KCND2: variants seen among roughly 807,000 people sequenced by gnomAD.
KCND2 encodes the protein A-type voltage-gated potassium channel KCND2.
In KCND2, 16 loss-of-function variants were observed where a neutral mutation model predicts 54.4. That is an observed-to-expected ratio of 0.29 (90% CI 0.20 to 0.45). The LOEUF (loss-of-function observed/expected upper bound fraction) is 0.45, where lower values mean the gene tolerates loss of function less well. KCND2 is among the 20% of genes least tolerant of loss of function. KCND2 has a pLI of 1.00. For missense variants in KCND2, 486 were observed against 824.2 expected (o/e 0.59, Z 5.02); for synonymous variants, 317 against 310.7 (o/e 1.02, Z -0.21).
rs142034045 is a variant in KCND2 at position 120,347,055 on chromosome 7, C to G, written c.1115+71308C>G. Among the ~76,000 whole-genome samples, 690 of 149,824 alleles carry G rather than the reference C, an allele frequency of 4.6e-3. 3 individuals carry two copies. Among genetic ancestry groups the G allele is most frequent in the Middle Eastern group, 0.038 (11 of 290 alleles). On this transcript the variant is annotated intron_variant, in intron 1 of 5. Transcript: ENST00000331113. Reference sequence around the variant, plus strand: ...GTCTCATGGCTCTTTTTTTTTTGTTCGAAGCTGTAATATGAGCAACATTTA... The same window carrying G: ...GTCTCATGGCTCTTTTTTTTTTGTTGGAAGCTGTAATATGAGCAACATTTA...
chr7:120,345,478 C>T (rs2116373295), intron 1 of KCND2, among the ~76,000 whole-genome samples: 1 of 152,270 alleles, frequency 6.6e-6, no homozygotes, highest in South Asian at 2.1e-4. Context: ...TGATGTGCAA[C>T]CGACCTCTAG....
intron 1 of KCND2, among the ~76,000 whole-genome samples, chr7:120,587,640 C>G (rs565940706): frequency 1.6e-4 from 25 of 152,134 alleles, no homozygotes; most frequent in African/African-American, 6.0e-4. Context: ...TCTTTTGTAA[C>G]ATCAGTCACT....
intron 1 of KCND2, among the ~76,000 whole-genome samples, chr7:120,367,522 A>G (rs1800704839): frequency 6.6e-6 from 1 of 151,704 alleles, no homozygotes; most frequent in Non-Finnish European, 1.5e-5. Flanking sequence ...GTAGGTGTTG[A>G]GGAGGGAGTG....
chr7:120,361,912 G>T (rs1310619068), intron 1 of KCND2, among the ~76,000 whole-genome samples: 1 of 152,066 alleles, frequency 6.6e-6, no homozygotes, highest in Non-Finnish European at 1.5e-5. Context: ...AGGATTTACA[G>T]CTCCCCATGA....
intron 1 of KCND2, among the ~76,000 whole-genome samples, chr7:120,633,955 A>C (rs1793270887): frequency 6.6e-6 from 1 of 152,216 alleles, no homozygotes; most frequent in South Asian, 2.1e-4. Flanking sequence ...AATATTTTAA[A>C]GCTCTTTGAG....
At chr7:120,321,581 A>T (rs906773279) in intron 1 of KCND2, among the ~76,000 whole-genome samples, 2 of 152,160 alleles carry the variant, frequency 1.3e-5, no homozygotes, top group Non-Finnish European at 2.9e-5. Flanking sequence ...TGAAACTATA[A>T]AAATGTGTTT....
chr7:120,678,335 A>G (rs966072896), intron 1 of KCND2, among the ~76,000 whole-genome samples: 4 of 124,866 alleles, frequency 3.2e-5, no homozygotes, highest in African/African-American at 9.4e-5. Flanking sequence ...TACCGTAGGT[A>G]TGATTATTTA....
chr7:120,406,355 C>T (rs186759097), intron 1 of KCND2, among the ~76,000 whole-genome samples: 1 of 152,106 alleles, frequency 6.6e-6, no homozygotes, highest in East Asian at 1.9e-4. Flanking sequence ...TTTTCTTTCA[C>T]TGCATTAATA....
chr7:120,466,707 C>G (rs1479955606), intron 1 of KCND2, among the ~76,000 whole-genome samples: 14 of 152,142 alleles, frequency 9.2e-5, no homozygotes, highest in Admixed American at 5.9e-4. Flanking sequence ...GCTGCTATAA[C>G]AAAGTTTCCC....
rs542931193 is a variant in KCND2, at chr7:120,275,760, A to C, written c.1115+13A>C. 6.9e-6 allele frequency: 11 copies of C among 1,599,850 alleles called. No homozygotes were observed. The South Asian group carries it at 1.2e-4, about 18-fold the overall frequency. ...TGACAACACTAGGGTAGGTGCCATAATGGGAAATGGGATGGAGGTTGGGTA... is the reference window on the plus strand; with the variant it reads ...TGACAACACTAGGGTAGGTGCCATACTGGGAAATGGGATGGAGGTTGGGTA... On this transcript the variant is annotated intron_variant, in intron 1 of 5. Coordinates refer to ENST00000331113, the MANE Select transcript of KCND2 (RefSeq NM_012281.3).
At chr7:120,639,968 T>C (rs1282541199) in intron 1 of KCND2, among the ~76,000 whole-genome samples, 1 of 152,178 alleles carries the variant, frequency 6.6e-6, no homozygotes, top group Non-Finnish European at 1.5e-5. Flanking sequence ...TTTCTATAAC[T>C]CTCATAAATA....
chr7:120,533,536 C>T (rs1011581832), intron 1 of KCND2, among the ~76,000 whole-genome samples: 1 of 152,086 alleles, frequency 6.6e-6, no homozygotes, highest in South Asian at 2.1e-4. Flanking sequence ...GCTCTACATG[C>T]TCTTGTTAAT....
chr7:120,605,539 A>C (rs1168528946), intron 1 of KCND2, among the ~76,000 whole-genome samples: 1 of 152,086 alleles, frequency 6.6e-6, no homozygotes, highest in African/African-American at 2.4e-5. Flanking sequence ...CATGTATAAG[A>C]TTTTATGTGA....
chr7:120,517,627 G>T (rs1584810316), intron 1 of KCND2, among the ~76,000 whole-genome samples: 1 of 152,098 alleles, frequency 6.6e-6, no homozygotes, highest in East Asian at 1.9e-4. Flanking sequence ...TTGTTATGCA[G>T]ATTAAAAATA....
rs11295983 is a variant in KCND2, at chr7:120,437,552, T to TA, written c.1115+161815dup. On this transcript the variant is annotated intron_variant, in intron 1 of 5. Coordinates refer to ENST00000331113, the MANE Select transcript of KCND2 (RefSeq NM_012281.3). ...TCTGAATTAGGGGAAGGCCATAAGC[T>TA]AAAAAAAAAAGATACTAAGTGCAGA... is the stretch of plus-strand genomic sequence containing the variant. Among the ~76,000 whole-genome samples, 92 of 148,334 alleles carry TA rather than the reference T, an allele frequency of 6.2e-4. 1 individual carries two copies. In the East Asian group the frequency reaches 7.4e-3, roughly 12 times the overall value.
In KCND2 at chr7:120,707,826, AG is replaced by A. The variant is rs560542826; in HGVS notation, c.1116-25075del. 8.0e-4 allele frequency among the ~76,000 whole-genome samples: 121 copies of A among 152,174 alleles called. 4 individuals are homozygous for A. The South Asian group carries it at 0.025, about 31-fold the overall frequency. On this transcript the variant is annotated intron_variant, in intron 1 of 5. Transcript: ENST00000331113. ...GAAGACTACAGGAGAACTACTGATAAGGTAGGCGAAGTGACAGCAATGACCA... is the reference window on the plus strand; with the variant it reads ...GAAGACTACAGGAGAACTACTGATAAGTAGGCGAAGTGACAGCAATGACCA...
rs778872261 is a variant in KCND2, at chr7:120,701,673, G to A, written c.1116-31230G>A. 3.9e-5 allele frequency among the ~76,000 whole-genome samples: 6 copies of A among 152,138 alleles called. No homozygotes were observed. In the East Asian group the frequency reaches 9.7e-4, roughly 25 times the overall value. On this transcript the variant is annotated intron_variant, in intron 1 of 5. Transcript: ENST00000331113. Reference sequence around the variant, plus strand: ...ACACACCTACAACCATCTGATCTTCGACAAAGCTGACAAAACAAGCAGGAG... The same window carrying A: ...ACACACCTACAACCATCTGATCTTCAACAAAGCTGACAAAACAAGCAGGAG...
At chr7:120,287,457 T>C (rs374591761) in intron 1 of KCND2, among the ~76,000 whole-genome samples, 1 of 152,108 alleles carries the variant, frequency 6.6e-6, no homozygotes, top group African/African-American at 2.4e-5. Context: ...GTCAGCATTT[T>C]CAATTCTCAC....
intron 1 of KCND2, among the ~76,000 whole-genome samples, chr7:120,577,889 C>T (rs1194752218): frequency 1.3e-5 from 2 of 152,048 alleles, no homozygotes; most frequent in East Asian, 1.9e-4. Context: ...CAGCCAAAAC[C>T]TTGGTATTTT....
Sources: gnomAD v4.1 joint callset for allele counts (sites outside exome capture counted in the v4.1 genomes callset) on GRCh38, gnomAD v4.1.1 for gene constraint, MANE v1.5 for transcripts, NCBI Gene and HGNC (gene_info 2026-07-23, HGNC 2026-07-21) for gene names.